The following HDAC9 variants were observed in gnomAD, a reference collection of about 807,000 sequenced individuals.
HDAC9 encodes the protein histone deacetylase 9, also known as MEF-2 interacting transcription repressor (MITR) protein.
In HDAC9, 41 loss-of-function variants were observed where a neutral mutation model predicts 139.4. That is an observed-to-expected ratio of 0.29 (90% CI 0.23 to 0.38). The LOEUF is 0.38. Among genes scored for constraint, HDAC9 ranks in the 10% least tolerant of loss-of-function variants. The pLI is 1.00. For synonymous variants in HDAC9, 517 were observed against 476.2 expected (o/e 1.09, Z -1.12); for missense variants, 1,147 against 1,297.0 (o/e 0.88, Z 1.78).
intron 1 of HDAC9, among the ~76,000 whole-genome samples, chr7:18,421,295 T>C (rs978211833): frequency 2.0e-5 from 3 of 151,786 alleles, no homozygotes; most frequent in African/African-American, 7.3e-5. Context: ...CAAAATCTTT[T>C]ATCTCAAAAC....
At chr7:18,435,354 G>A (rs1208388215) in intron 1 of HDAC9, among the ~76,000 whole-genome samples, 1 of 151,846 alleles carries the variant, frequency 6.6e-6, no homozygotes, top group African/African-American at 2.4e-5. Flanking sequence ...AAACCCCCAA[G>A]ACATGCAATT....
chr7:18,509,841 G>C (rs1305278404), intron 2 of HDAC9, among the ~76,000 whole-genome samples: 1 of 151,896 alleles, frequency 6.6e-6, no homozygotes, highest in Non-Finnish European at 1.5e-5. Context: ...CTGTGACTGT[G>C]TATGTGTGTC....
rs950991194 is a variant in HDAC9, at chr7:18,609,627, A to AAT, written c.664+15609_664+15610dup. On this transcript the variant is annotated intron_variant, in intron 6 of 25. Coordinates refer to ENST00000686413, the MANE Select transcript of HDAC9 (RefSeq NM_178425.4). ...ATTTTCAGAACTCGTTAATTTTTTA[A>AAT]ATATATATATATTTTTATTTTACTT... is the stretch of plus-strand genomic sequence containing the variant. Among the ~76,000 whole-genome samples the AAT allele has an allele frequency of 8.5e-4, 129 of 152,132 alleles. 1 individual carries two copies. Among genetic ancestry groups the AAT allele is most frequent in the African/African-American group, 2.7e-3 (111 of 41,504 alleles).
chr7:18,305,264 G>A (rs147136088), intron 1 of HDAC9, among the ~76,000 whole-genome samples: 1 of 152,152 alleles, frequency 6.6e-6, no homozygotes, highest in African/African-American at 2.4e-5. Context: ...AGCAAAAATC[G>A]TATACCCTCC....
chr7:18,759,432 G>T (rs1244542358), intron 14 of HDAC9, among the ~76,000 whole-genome samples: 3 of 151,966 alleles, frequency 2.0e-5, no homozygotes, highest in Non-Finnish European at 4.4e-5. Flanking sequence ...AGGGATCTAG[G>T]TTGAGCGCTC....
intron 1 of HDAC9, among the ~76,000 whole-genome samples, chr7:18,335,534 C>G (rs1476595839): frequency 6.6e-6 from 1 of 151,444 alleles, no homozygotes; most frequent in Non-Finnish European, 1.5e-5. Flanking sequence ...CTTTAACTTG[C>G]AAGAGTCTAT....
chr7:18,988,026 A>G (rs1003478293), intron 25 of HDAC9, among the ~76,000 whole-genome samples: 24 of 152,070 alleles, frequency 1.6e-4, no homozygotes, highest in Non-Finnish European at 2.4e-4. Flanking sequence ...CAGCTCCTGG[A>G]TTCATTAATT....
chr7:18,713,269 G>A (rs903070723), intron 12 of HDAC9, among the ~76,000 whole-genome samples: 4 of 152,116 alleles, frequency 2.6e-5, no homozygotes, highest in African/African-American at 9.7e-5. Context: ...GTTGCTATAG[G>A]CCAAATTATT....
chr7:18,728,980 A>G (rs150639896), intron 13 of HDAC9, among the ~76,000 whole-genome samples: 23 of 152,296 alleles, frequency 1.5e-4, no homozygotes, highest in African/African-American at 5.1e-4. Context: ...TTCCAGGAGC[A>G]TAGCAAAACT....
intron 22 of HDAC9, among the ~76,000 whole-genome samples, chr7:18,893,033 GAAAAAAAAAAA>G (rs71960483): frequency 1.5e-5 from 1 of 66,890 alleles, no homozygotes; most frequent in Non-Finnish European, 2.7e-5. Flanking sequence ...GTAATAGGCC[GAAAAAAAAAAA>G]AAAAAAAAAA....
At chr7:18,754,967 A>AGACATTTGTTTTATAGAGTAGTC (rs1310208411) in intron 14 of HDAC9, among the ~76,000 whole-genome samples, 3 of 152,178 alleles carry the variant, frequency 2.0e-5, no homozygotes, top group African/African-American at 7.2e-5. Flanking sequence ...AAATTCAATT[A>AGACATTTGTTTTATAGAGTAGTC]GACATTTGTT....
At chr7:18,738,933 A>G (rs1448546099) in intron 13 of HDAC9, among the ~76,000 whole-genome samples, 1 of 152,160 alleles carries the variant, frequency 6.6e-6, no homozygotes, top group Admixed American at 6.5e-5. Flanking sequence ...ACATAGTCCC[A>G]TATTTCTTGC....
chr7:18,854,768 C>G (rs527411155), intron 21 of HDAC9, among the ~76,000 whole-genome samples: 61 of 150,242 alleles, frequency 4.1e-4, no homozygotes, highest in Admixed American at 2.9e-3. Context: ...GCCACTACAG[C>G]AAGAAAAAAA....
chr7:18,874,521 G>C lies in HDAC9; in HGVS notation c.2728G>C (p.Val910Leu). The C allele has an allele frequency of 2.5e-6, 4 of 1,594,698 alleles. No homozygotes were observed. Among genetic ancestry groups the C allele is most frequent in the Non-Finnish European group, 3.4e-6 (4 of 1,169,698 alleles). The change falls in exon 22 of 26, where the codon GTC becomes CTC. Residue 910 changes from valine (V) to leucine (L), a missense_variant. Transcript: ENST00000686413. The stretch of plus-strand genomic sequence containing the variant: ...GGCCAAAGAGTTTGATCCAGACATG[G>C]TCTTAGTATCTGCTGGATTTGATGC... ...PVAKEFDPDM[V>L]LVSAGFDALE... is the part of the protein sequence containing the mutation.
At chr7:18,733,879 C>T (rs557344984) in intron 13 of HDAC9, among the ~76,000 whole-genome samples, 88 of 151,986 alleles carry the variant, frequency 5.8e-4, no homozygotes, top group Non-Finnish European at 1.1e-3. Context: ...ACCTGATATG[C>T]GTTTCTTTGT....
intron 2 of HDAC9, among the ~76,000 whole-genome samples, chr7:18,209,691 G>A (rs924395382): frequency 1.3e-5 from 2 of 151,638 alleles, no homozygotes; most frequent in African/African-American, 4.9e-5. Context: ...TAAGGTAAAA[G>A]AGCAGGTACT....
intron 2 of HDAC9, among the ~76,000 whole-genome samples, chr7:18,181,194 C>T (rs1413799158): frequency 6.6e-6 from 1 of 152,092 alleles, no homozygotes; most frequent in African/African-American, 2.4e-5. Flanking sequence ...CTACTAAACG[C>T]CTGAAATAAT....
At chr7:18,776,027 G>T (rs1232832882) in intron 16 of HDAC9, among the ~76,000 whole-genome samples, 3 of 152,012 alleles carry the variant, frequency 2.0e-5, no homozygotes, top group Non-Finnish European at 4.4e-5. Flanking sequence ...AACCTCCTGG[G>T]CTCCAAAGAT....
rs1346511418 is a variant in HDAC9 at position 18,717,119 on chromosome 7, T to A, written c.1732-10461T>A. 4.0e-5 allele frequency among the ~76,000 whole-genome samples: 6 copies of A among 151,252 alleles called. No individual in the cohort carries two copies. In the South Asian group the frequency reaches 1.0e-3, roughly 26 times the overall value. On this transcript the variant is annotated intron_variant, in intron 12 of 25. Coordinates refer to ENST00000686413, the MANE Select transcript of HDAC9 (RefSeq NM_178425.4). ...ACCTACCCTCACTGGAAGTGACCAG[T>A]GAGTACCTGGGGGCAATACTTCATC... is the stretch of plus-strand genomic sequence containing the variant.
Sources: gnomAD v4.1 joint callset for allele counts (sites outside exome capture counted in the v4.1 genomes callset) on GRCh38, gnomAD v4.1.1 for gene constraint, MANE v1.5 for transcripts, NCBI Gene and HGNC (gene_info 2026-07-23, HGNC 2026-07-21) for gene names.